The following MARCHF11 variants were observed in gnomAD, a reference collection of about 807,000 sequenced individuals.
The protein encoded by MARCHF11 is membrane associated ring-CH-type finger 11.
Under a neutral mutation model 37.3 loss-of-function variants are expected in MARCHF11, and 29 were observed. That is an observed-to-expected ratio of 0.78 (90% confidence interval 0.58 to 1.06). MARCHF11 has a LOEUF of 1.06. MARCHF11 is among the 50% of genes least tolerant of loss of function. MARCHF11 has a pLI of 0.00. For missense variants in MARCHF11, 482 were observed against 533.4 expected, an observed-to-expected ratio of 0.90 and a Z score of 0.95; for synonymous variants, 233 against 228.0, an observed-to-expected ratio of 1.02 and a Z score of -0.20.
chr5:16,103,354 T>G (rs571427088), intron 2 of MARCHF11, among the ~76,000 whole-genome samples: 1 of 152,142 alleles, frequency 6.6e-6, no homozygotes, highest in East Asian at 1.9e-4. Context: ...CAGGACGGTG[T>G]GTTTGGGAAA....
chr5:16,083,785 A>C (rs1432158182), intron 3 of MARCHF11, among the ~76,000 whole-genome samples: 3 of 152,208 alleles, frequency 2.0e-5, no homozygotes, highest in Non-Finnish European at 4.4e-5. Flanking sequence ...TTTCTTTAGC[A>C]GTAGATTTAT....
chr5:16,152,350 CAT>C lies in MARCHF11; in HGVS notation c.693+25374_693+25375del, dbSNP rs1737902971. ...AAGGCTCAAAAATATAGTTACAACA[CAT>C]GTTCTAAGTATATCCATAATATGAA... On this transcript the variant is annotated intron_variant, in intron 2 of 3. Transcript: ENST00000332432. Among the ~76,000 whole-genome samples the C allele has an allele frequency of 2.0e-5, 3 of 152,080 alleles. No homozygotes were observed. The South Asian group carries it at 6.2e-4, about 32-fold the overall frequency.
chr5:16,113,158 C>T (rs757146165), intron 2 of MARCHF11, among the ~76,000 whole-genome samples: 1 of 152,162 alleles, frequency 6.6e-6, no homozygotes, highest in African/African-American at 2.4e-5. Context: ...ATAAACTTGG[C>T]TCCAGCAGAC....
chr5:16,133,658 C>A (rs1737558523), intron 2 of MARCHF11, among the ~76,000 whole-genome samples: 1 of 152,028 alleles, frequency 6.6e-6, no homozygotes, highest in Non-Finnish European at 1.5e-5. Context: ...TGCACACACA[C>A]ACACACACAT....
chr5:16,096,417 A>C (rs956826493), intron 2 of MARCHF11, among the ~76,000 whole-genome samples: 2 of 152,216 alleles, frequency 1.3e-5, no homozygotes, highest in African/African-American at 2.4e-5. Context: ...ATTATGTAAT[A>C]TTCTCTTTAC....
chr5:16,162,035 A>G (rs942955885), intron 2 of MARCHF11, among the ~76,000 whole-genome samples: 2 of 152,070 alleles, frequency 1.3e-5, no homozygotes, highest in African/African-American at 2.4e-5. Flanking sequence ...AAAAATAATT[A>G]TAGTCCAGGT....
intron 2 of MARCHF11, among the ~76,000 whole-genome samples, chr5:16,148,776 T>C (rs1039323054): frequency 2.0e-5 from 3 of 152,056 alleles, no homozygotes; most frequent in African/African-American, 7.2e-5. Flanking sequence ...CTAAAAATCT[T>C]AAAGAGACTG....
chr5:16,114,579 G>A (rs987295376), intron 2 of MARCHF11, among the ~76,000 whole-genome samples: 3 of 151,974 alleles, frequency 2.0e-5, no homozygotes, highest in African/African-American at 4.8e-5. Context: ...TTTTTGTCTA[G>A]AATCACTCGA....
chr5:16,177,614 T>G, intron 2 of MARCHF11, 112 bp downstream of exon 2: 2 of 930,154 alleles, frequency 2.2e-6, no homozygotes, highest in Non-Finnish European at 2.9e-6. Context: ...TAGTGTAATT[T>G]TCACAAAATG....
chr5:16,137,663 G>A lies in MARCHF11; in HGVS notation c.693+40063C>T, dbSNP rs1737629865. Among the ~76,000 whole-genome samples the A allele has an allele frequency of 4.6e-5, 7 of 152,224 alleles. No individual in the cohort carries two copies. The South Asian group carries it at 1.4e-3, about 32-fold the overall frequency. On this transcript the variant is annotated intron_variant, in intron 2 of 3. Transcript: ENST00000332432. ...CTCAGAAGAAGACGGGATGATGTGA[G>A]AAAGTTTGGCACTTTCTAGAGACTT... is the stretch of plus-strand genomic sequence containing the variant.
At chr5:16,069,040 C>T (rs1736394574) in intron 3 of MARCHF11, among the ~76,000 whole-genome samples, 2 of 152,168 alleles carry the variant, frequency 1.3e-5, no homozygotes, top group Admixed American at 1.3e-4. Context: ...AAAATGTTTA[C>T]TACCTAATTG....
chr5:16,068,158 T>G (rs1344053483), intron 3 of MARCHF11, among the ~76,000 whole-genome samples: 1 of 152,158 alleles, frequency 6.6e-6, no homozygotes, highest in Non-Finnish European at 1.5e-5. Context: ...GGCCAAGCAA[T>G]GTGTTAGGGG....
At position 16,138,945 on chromosome 5, in the gene MARCHF11, T is replaced by C. The variant is rs540850921; in HGVS notation, c.693+38781A>G. ...ATCTAGGAAGCAACTAACTTGCTTTTGATTTTACAGGCTCATAGGCAGAAT... is the reference window on the plus strand; with the variant it reads ...ATCTAGGAAGCAACTAACTTGCTTTCGATTTTACAGGCTCATAGGCAGAAT... On this transcript the variant is annotated intron_variant, in intron 2 of 3. Transcript: ENST00000332432. Among the ~76,000 whole-genome samples the C allele has an allele frequency of 3.9e-5, 6 of 152,340 alleles. No homozygotes were observed. The East Asian group carries it at 1.2e-3, about 29-fold the overall frequency.
Position 16,179,062 on chromosome 5 carries a change from T to G in MARCHF11, c.514A>C (p.Ile172Leu). 2 of 1,488,922 alleles carry G rather than the reference T, an allele frequency of 1.3e-6. No individual in the cohort carries two copies. The highest frequency in any genetic ancestry group is 2.5e-5 in the South Asian group (2 of 80,846). 92.2% of individuals were successfully genotyped at this position (1,488,922 alleles called of 1,614,324 possible). ...ACCTGCTCCGCGCCCTGGAAGCAGA[T>G]CTTGCAGATGGGCTGGTGGTGCTGG... ...QHQHHQPICKICFQGAEQGEL... is the reference protein window; with the variant it reads ...QHQHHQPICKLCFQGAEQGEL... Residue 172 changes from isoleucine (I) to leucine (L), a missense_variant, in exon 1 of 4, where the codon ATC becomes CTC. Ile to Leu is a conservative substitution (Grantham distance 5). Transcript: ENST00000332432.
At chr5:16,071,488 A>G (rs1736436832) in intron 3 of MARCHF11, among the ~76,000 whole-genome samples, 1 of 152,232 alleles carries the variant, frequency 6.6e-6, no homozygotes, top group African/African-American at 2.4e-5. Flanking sequence ...GTTTCATTGA[A>G]TAAACAGTTT....
intron 2 of MARCHF11, among the ~76,000 whole-genome samples, chr5:16,149,619 G>A (rs969546763): frequency 1.1e-4 from 17 of 152,058 alleles, no homozygotes; most frequent in Non-Finnish European, 1.9e-4. Flanking sequence ...CTCCATTGAA[G>A]AAATGCATTT....
At chr5:16,142,257 G>T (rs1429798652) in intron 2 of MARCHF11, among the ~76,000 whole-genome samples, 1 of 152,152 alleles carries the variant, frequency 6.6e-6, no homozygotes, top group Admixed American at 6.5e-5. Flanking sequence ...ATTTTAAGAG[G>T]CACAAGCAAC....
At chr5:16,153,940 G>A (rs1579415634) in intron 2 of MARCHF11, among the ~76,000 whole-genome samples, 2 of 152,030 alleles carry the variant, frequency 1.3e-5, no homozygotes, top group East Asian at 3.9e-4. Flanking sequence ...GAATGTGGAT[G>A]TGATGTCTGG....
chr5:16,151,196 C>T (rs1189019433), intron 2 of MARCHF11, among the ~76,000 whole-genome samples: 1 of 151,996 alleles, frequency 6.6e-6, no homozygotes, highest in Non-Finnish European at 1.5e-5. Context: ...CTTTCCAAGT[C>T]AATAAGTTTG....
Sources: allele counts gnomAD v4.1 joint callset (sites outside exome capture counted in the v4.1 genomes callset), GRCh38; gene constraint gnomAD v4.1.1; transcripts MANE v1.5; gene names NCBI Gene and HGNC (gene_info 2026-07-23, HGNC 2026-07-21).